Variants in EXT1 observed in about 807,000 individuals in gnomAD.
EXT1 encodes exostosin glycosyltransferase 1, also known as exostosin-1.
EXT1 carries 20 observed loss-of-function variants against 82.5 expected under a neutral mutation model. The ratio of observed to expected loss-of-function variants is 0.24; its 90% CI spans 0.17 to 0.35. The LOEUF is 0.35. Ranked by LOEUF, EXT1 falls within the 10% of genes least tolerant of loss-of-function variation. EXT1 has a pLI of 1.00. For synonymous variants in EXT1, 348 were observed against 350.8 expected (o/e 0.99, Z 0.09); for missense variants, 757 against 936.5 (o/e 0.81, Z 2.50).
chr8:118,100,114 C>T (rs928266542), intron 1 of EXT1, among the ~76,000 whole-genome samples: 2 of 152,138 alleles, frequency 1.3e-5, no homozygotes, highest in African/African-American at 4.8e-5. Context: ...TGGTCTCCTC[C>T]AGGCCCTGGA....
At chr8:118,011,275 A>G (rs532562315) in intron 1 of EXT1, among the ~76,000 whole-genome samples, 16 of 152,202 alleles carry the variant, frequency 1.1e-4, no homozygotes, top group Non-Finnish European at 2.1e-4. Context: ...TGGAAGCTAC[A>G]AAGAGGCAGG....
At chr8:117,862,562 G>A (rs1812703505) in intron 1 of EXT1, among the ~76,000 whole-genome samples, 1 of 145,222 alleles carries the variant, frequency 6.9e-6, no homozygotes, top group South Asian at 2.2e-4. Context: ...TTCTTACTGG[G>A]GACCAGTGTT....
chr8:118,111,259 T>A lies in EXT1; in HGVS notation c.-213A>T, dbSNP rs1586280544. ...TTTCTCCCCTTCGGTCTTTCATCTT[T>A]GGGTTGCACAATGCACGGGAGAGAG... On this transcript the variant is annotated 5_prime_UTR_variant, in exon 1 of 11. Transcript: ENST00000378204. 4 of 719,510 alleles carry A rather than the reference T, an allele frequency of 5.6e-6. No individual in the cohort carries two copies. The East Asian group carries it at 8.1e-5, about 15-fold the overall frequency. 44.6% of individuals were successfully genotyped at this position (719,510 alleles called of 1,614,324 possible). A position where few individuals can be genotyped will look rare whatever the true frequency, so the allele number is the denominator to read the frequency against.
chr8:118,061,618 G>A (rs1285179821), intron 1 of EXT1, among the ~76,000 whole-genome samples: 1 of 152,172 alleles, frequency 6.6e-6, no homozygotes, highest in East Asian at 1.9e-4. Flanking sequence ...GAGGTAAGTG[G>A]TAAAACTGGT....
At chr8:118,064,404 C>T (rs768495858) in intron 1 of EXT1, among the ~76,000 whole-genome samples, 14 of 152,128 alleles carry the variant, frequency 9.2e-5, no homozygotes, top group Non-Finnish European at 1.3e-4. Context: ...ATTCAGCTCC[C>T]ACTTATGAGT....
chr8:118,067,612 G>A (rs546673512), intron 1 of EXT1, among the ~76,000 whole-genome samples: 2 of 152,336 alleles, frequency 1.3e-5, no homozygotes, highest in South Asian at 4.1e-4. Flanking sequence ...CATCAAAGCA[G>A]TGGTCAAGTC....
intron 1 of EXT1, among the ~76,000 whole-genome samples, chr8:117,996,232 G>T (rs1353833142): frequency 6.6e-6 from 1 of 152,184 alleles, no homozygotes; most frequent in Non-Finnish European, 1.5e-5. Flanking sequence ...AATGGAGAGA[G>T]CCCCAACTAA....
At chr8:117,856,545 C>T (rs745745267) in intron 1 of EXT1, among the ~76,000 whole-genome samples, 3 of 150,476 alleles carry the variant, frequency 2.0e-5, no homozygotes, top group South Asian at 2.1e-4. Context: ...GGATTACAGG[C>T]GTGAGCCACC....
At chr8:117,975,888 C>CA (rs1254322025) in intron 1 of EXT1, among the ~76,000 whole-genome samples, 1 of 152,088 alleles carries the variant, frequency 6.6e-6, no homozygotes, top group Non-Finnish European at 1.5e-5. Flanking sequence ...AGTAATTTTA[C>CA]AAGAAAGATT....
intron 1 of EXT1, among the ~76,000 whole-genome samples, chr8:118,012,861 C>T (rs1324287241): frequency 6.6e-6 from 1 of 152,204 alleles, no homozygotes; most frequent in African/African-American, 2.4e-5. Context: ...TGACTGTAAT[C>T]ATACCCAAAA....
chr8:118,005,807 C>T (rs1249076976), intron 1 of EXT1, among the ~76,000 whole-genome samples: 1 of 152,192 alleles, frequency 6.6e-6, no homozygotes, highest in East Asian at 1.9e-4. Flanking sequence ...GAAAATAACA[C>T]ACCCTATGTA....
At chr8:117,942,616 C>G (rs1328553098) in intron 1 of EXT1, among the ~76,000 whole-genome samples, 1 of 152,088 alleles carries the variant, frequency 6.6e-6, no homozygotes, top group African/African-American at 2.4e-5. Flanking sequence ...GAGGCTGAGG[C>G]AGGAGAATCG....
chr8:117,925,240 C>G (rs115551947), intron 1 of EXT1, among the ~76,000 whole-genome samples: 1 of 152,096 alleles, frequency 6.6e-6, no homozygotes, highest in African/African-American at 2.4e-5. Context: ...GGAAAAGGCT[C>G]TAAGATCTGT....
Position 118,110,173 on chromosome 8 carries a change from C to T in EXT1, c.874G>A (p.Val292Ile), listed in dbSNP as rs1586279359. The change falls in exon 1 of 11, where the codon GTT becomes ATT. Residue 292 changes from valine to isoleucine, a missense_variant. This residue lies in a region of EXT1 where 247 missense variants were observed against 330.1 expected (regional missense o/e 0.75). Transcript: ENST00000378204. ...TGCTTGCAGGTGGTGAGGAGCACAA[C>T]GTCCTCCCCGTTATGGACGTGATAT... Reference protein sequence around the residue: ...ALYHVHNGEDVVLLTTCKHGK... With the variant: ...ALYHVHNGEDIVLLTTCKHGK... 2 of 1,614,196 alleles carry T rather than the reference C, an allele frequency of 1.2e-6. No homozygotes were observed. The highest frequency in any genetic ancestry group is 1.7e-6 in the Non-Finnish European group (2 of 1,180,038).
At chr8:117,941,725 A>T (rs1346167178) in intron 1 of EXT1, among the ~76,000 whole-genome samples, 3 of 152,216 alleles carry the variant, frequency 2.0e-5, no homozygotes, top group Non-Finnish European at 2.9e-5. Flanking sequence ...TCCTTCTAAA[A>T]GTTTCAAACA....
chr8:118,044,401 C>T (rs1470183942), intron 1 of EXT1, among the ~76,000 whole-genome samples: 1 of 150,890 alleles, frequency 6.6e-6, no homozygotes, highest in Non-Finnish European at 1.5e-5. Flanking sequence ...TGTTTTTGGT[C>T]TTCTTTATGA....
chr8:117,935,165 A>AC (rs947728862), intron 1 of EXT1, among the ~76,000 whole-genome samples: 9 of 152,080 alleles, frequency 5.9e-5, no homozygotes, highest in Admixed American at 5.9e-4. Flanking sequence ...GAGGCCTACT[A>AC]CCCATCCTGG....
intron 1 of EXT1, among the ~76,000 whole-genome samples, chr8:117,897,089 A>G (rs1321229094): frequency 1.3e-5 from 2 of 152,188 alleles, no homozygotes; most frequent in African/African-American, 4.8e-5. Context: ...GAAAGAATGC[A>G]AGGTTAAGGA....
intron 1 of EXT1, among the ~76,000 whole-genome samples, chr8:117,881,983 CA>C (rs1052214225): frequency 1.3e-5 from 2 of 152,180 alleles, no homozygotes; most frequent in African/African-American, 4.8e-5. Context: ...ACGAAAAAGT[CA>C]AGTGCTGATC....
Sources: gnomAD v4.1 joint callset for allele counts (sites outside exome capture counted in the v4.1 genomes callset) on GRCh38, gnomAD v4.1.1 for gene constraint, gnomAD v4.1.1 regional missense constraint, MANE v1.5 for transcripts, NCBI Gene and HGNC (gene_info 2026-07-23, HGNC 2026-07-21) for gene names.